The following UFD1 variants were observed in gnomAD, a reference collection of about 807,000 sequenced individuals.
UFD1 encodes the protein ubiquitin recognition factor in ER associated degradation 1.
UFD1 carries 13 observed loss-of-function variants against 45.9 expected under a neutral mutation model. The ratio of observed to expected loss-of-function variants is 0.28; its 90% CI spans 0.18 to 0.45. The LOEUF (loss-of-function observed/expected upper bound fraction) is 0.45. Among genes scored for constraint, UFD1 ranks in the 20% least tolerant of loss-of-function variants. UFD1 has a pLI of 1.00. For synonymous variants in UFD1, 128 were observed against 139.2 expected (o/e 0.92, Z 0.56); for missense variants, 218 against 389.2 (o/e 0.56, Z 3.70).
chr22:19,450,540 G>C lies in UFD1; in HGVS notation c.*130C>G, dbSNP rs2089672567. 1 of 1,176,060 alleles carries C rather than the reference G, an allele frequency of 8.5e-7. No individual in the cohort carries two copies. Among genetic ancestry groups the C allele is most frequent in the Non-Finnish European group, 1.2e-6 (1 of 824,676 alleles). The allele number at this position is 1,176,060 out of a possible 1,614,324, so 72.9% of individuals were successfully genotyped here. On this transcript the variant is annotated 3_prime_UTR_variant, in exon 12 of 12. Transcript: ENST00000263202. ...CCAAGTCAAACTTAATAATTCTTAG[G>C]TAACTCTAAATAAATCTTAAGTAAC...
intron 5 of UFD1, chr22:19,466,090 C>G (rs2089799693): frequency 6.6e-6 from 1 of 152,264 alleles, no homozygotes; most frequent in South Asian, 2.1e-4. Context: ...AAGGGTGAGG[C>G]TATCTAGGTT....
chr22:19,457,011 T>A, intron 7 of UFD1, 93 bp from the exon 8 acceptor site: 2 of 853,350 alleles, frequency 2.3e-6, no homozygotes, highest in Non-Finnish European at 3.9e-6. Flanking sequence ...TAGATTCACA[T>A]GCAGTTTTAA....
Position 19,476,742 on chromosome 22 carries a change from C to T in UFD1, c.4-1140G>A, listed in dbSNP as rs150596698. On this transcript the variant is annotated intron_variant, in intron 1 of 11. Coordinates refer to ENST00000263202, the MANE Select transcript of UFD1 (RefSeq NM_005659.7). ...AATTTATAGGCTGGGTGCGGTGGCT[C>T]ACGCCTATAATCCCAGCACTTTGGG... Among the ~76,000 whole-genome samples the T allele has an allele frequency of 5.1e-3, 782 of 152,136 alleles. 14 individuals carry two copies. Among genetic ancestry groups the T allele is most frequent in the African/African-American group, 0.018 (766 of 41,504 alleles).
In UFD1 at chr22:19,454,171, G is replaced by A; in HGVS notation, c.849+578C>T. 4.1e-6 allele frequency: 4 copies of A among 986,842 alleles called. No homozygotes were observed. In the South Asian group the frequency reaches 1.9e-4, roughly 46 times the overall value. The allele number at this position is 986,842 out of a possible 1,614,324, so 61.1% of individuals were successfully genotyped here. ...GAGCCTGGAGTCGGCTCTAGAGCAA[G>A]ACAGAGCTCCTGACCCCCATGCTGC... On this transcript the variant is annotated intron_variant, in intron 11 of 11. Coordinates refer to ENST00000263202, the MANE Select transcript of UFD1 (RefSeq NM_005659.7).
chr22:19,478,585 G>A (rs193267261), intron 1 of UFD1, among the ~76,000 whole-genome samples: 10 of 130,038 alleles, frequency 7.7e-5, no homozygotes, highest in Non-Finnish European at 1.3e-4. Context: ...AGCTTCCATC[G>A]TTATCATTAC....
chr22:19,475,154 C>CA, intron 2 of UFD1, 54 bp from the exon 3 acceptor site: 1 of 1,545,352 alleles, frequency 6.5e-7, no homozygotes, highest in South Asian at 1.2e-5. Flanking sequence ...AAGGACAGAC[C>CA]AAAGGCAAGA....
chr22:19,458,203 A>G, intron 6 of UFD1, 64 bp from the exon 7 acceptor site: 1 of 1,576,574 alleles, frequency 6.3e-7, no homozygotes, highest in Non-Finnish European at 8.7e-7. Flanking sequence ...GTCGCTGTCC[A>G]TGTTACTGTG....
chr22:19,460,124 TAA>T (rs2089755718), intron 6 of UFD1, among the ~76,000 whole-genome samples: 1 of 152,148 alleles, frequency 6.6e-6, no homozygotes, highest in Non-Finnish European at 1.5e-5. Flanking sequence ...AATCTACTTT[TAA>T]AAGTGTCATA....
chr22:19,465,363 A>G, intron 5 of UFD1, 89 bp from the exon 6 acceptor site: 1 of 1,123,366 alleles, frequency 8.9e-7, no homozygotes, highest in Non-Finnish European at 1.3e-6. Flanking sequence ...TGGTAGGTAG[A>G]GACTGTACCA....
At chr22:19,467,821 G>A (rs1258355096) in intron 5 of UFD1, 52 bp downstream of exon 5, 12 of 1,606,374 alleles carry the variant, frequency 7.5e-6, no homozygotes, top group Admixed American at 1.7e-5. Context: ...TTTAACAACC[G>A]CCAGCACACT....
Position 19,450,693 on chromosome 22 carries a change from G to C in UFD1, c.901C>G (p.Arg301Gly). ...ACTTAGGGCTTTCTTCCCTTTTTACGCAATGACTGTCCTTCTCCAGAGAAA... is the reference window on the plus strand; with the variant it reads ...ACTTAGGGCTTTCTTCCCTTTTTACCCAATGACTGTCCTTCTCCAGAGAAA... ...VAFSGEGQSLRKKGRKP is the reference protein window; with the variant it reads ...VAFSGEGQSLGKKGRKP Residue 301 changes from arginine to glycine, a missense_variant, in exon 12 of 12, where the codon CGT becomes GGT. Arg to Gly is a moderately radical substitution (Grantham distance 125). This residue lies in a region of UFD1 where 69 missense variants were observed against 81.7 expected (regional missense o/e 0.84). Coordinates refer to ENST00000263202, the MANE Select transcript of UFD1 (RefSeq NM_005659.7). The C allele has an allele frequency of 6.2e-7, 1 of 1,613,952 alleles. No homozygotes were observed. Among genetic ancestry groups the C allele is most frequent in the Non-Finnish European group, 8.5e-7 (1 of 1,179,982 alleles).
intron 6 of UFD1, among the ~76,000 whole-genome samples, chr22:19,464,588 A>G (rs1310706757): frequency 2.6e-5 from 4 of 152,268 alleles, no homozygotes; most frequent in Non-Finnish European, 5.9e-5. Flanking sequence ...ACAGCATAAA[A>G]TCAGGGATGA....
chr22:19,459,052 A>G (rs1353497443), intron 6 of UFD1, among the ~76,000 whole-genome samples: 2 of 152,220 alleles, frequency 1.3e-5, no homozygotes, highest in Non-Finnish European at 2.9e-5. Flanking sequence ...CTGAAGATCA[A>G]AAACAGAATG....
At chr22:19,461,593 C>G (rs139636739) in intron 6 of UFD1, among the ~76,000 whole-genome samples, 3 of 152,180 alleles carry the variant, frequency 2.0e-5, no homozygotes, top group African/African-American at 7.2e-5. Flanking sequence ...CTGTAGTTTA[C>G]CTTTCTCCTA....
chr22:19,455,616 C>T, intron 10 of UFD1, 64 bp downstream of exon 10: 4 of 1,539,642 alleles, frequency 2.6e-6, no homozygotes, highest in Middle Eastern at 4.1e-4. Context: ...GGTGAGGCTG[C>T]CCGACCCCAG....
intron 4 of UFD1, among the ~76,000 whole-genome samples, chr22:19,471,026 G>T (rs1009852192): frequency 6.6e-6 from 1 of 152,212 alleles, no homozygotes; most frequent in African/African-American, 2.4e-5. Context: ...GGAGAAGAAG[G>T]AGCCAAGTGG....
intron 4 of UFD1, chr22:19,471,235 C>T (rs886506116): frequency 1.9e-5 from 10 of 513,944 alleles, no homozygotes; most frequent in African/African-American, 9.6e-5. Flanking sequence ...AGGAAAAAGA[C>T]GTCACTCCCA....
At chr22:19,454,377 G>A in intron 11 of UFD1, 1 of 964,120 alleles carries the variant, frequency 1.0e-6, no homozygotes, top group South Asian at 3.9e-5. Context: ...GGAGGTAACT[G>A]AGTCGGTGGG....
chr22:19,474,640 C>A (rs545709898), intron 3 of UFD1, among the ~76,000 whole-genome samples: 2 of 152,158 alleles, frequency 1.3e-5, no homozygotes, highest in Non-Finnish European at 2.9e-5. Flanking sequence ...CTGCTCACAG[C>A]GCCCTCTTGT....
Sources: gnomAD v4.1 joint callset for allele counts (sites outside exome capture counted in the v4.1 genomes callset) on GRCh38, gnomAD v4.1.1 for gene constraint, gnomAD v4.1.1 regional missense constraint, MANE v1.5 for transcripts, NCBI Gene and HGNC (gene_info 2026-07-23, HGNC 2026-07-21) for gene names.